Variants in RPTOR observed in about 807,000 individuals in gnomAD.
RPTOR encodes regulatory associated protein of MTOR complex 1, also known as regulatory-associated protein of mTOR.
Under a neutral mutation model 169.9 loss-of-function variants are expected in RPTOR, and 21 were observed. The ratio of observed to expected loss-of-function variants is 0.12; its 90% CI spans 0.09 to 0.18. The LOEUF is 0.18. Among genes scored for constraint, RPTOR ranks in the 10% least tolerant of loss-of-function variants. RPTOR has a pLI of 1.00. For missense variants in RPTOR, 1,133 were observed against 1,855.9 expected, an observed-to-expected ratio of 0.61 and a Z score of 7.16; for synonymous variants, 732 against 753.2, an observed-to-expected ratio of 0.97 and a Z score of 0.46.
intron 25 of RPTOR, among the ~76,000 whole-genome samples, chr17:80,941,660 A>G (rs1289789312): frequency 1.3e-5 from 2 of 152,150 alleles, no homozygotes; most frequent in Non-Finnish European, 2.9e-5. Context: ...TATTGTTTTG[A>G]CCTTGCATCT....
intron 20 of RPTOR, among the ~76,000 whole-genome samples, chr17:80,896,269 C>A (rs916882832): frequency 6.6e-6 from 1 of 152,014 alleles, no homozygotes; most frequent in Non-Finnish European, 1.5e-5. Context: ...TGCTTCTCAG[C>A]GTCTCCCTGG....
Position 80,908,932 on chromosome 17 carries a change from A to T in RPTOR, c.2520+3A>T. The T allele has an allele frequency of 2.5e-6, 4 of 1,607,374 alleles. No individual in the cohort carries two copies. The highest frequency in any genetic ancestry group is 3.4e-6 in the Non-Finnish European group (4 of 1,174,264). On this transcript the variant is annotated splice_donor_region_variant and intron_variant, in intron 21 of 33. Coordinates refer to ENST00000306801, the MANE Select transcript of RPTOR (RefSeq NM_020761.3). Reference sequence around the variant, plus strand: ...TACTCAACAGCATCGCCTACAAGGTACGTGCCGGGCGCTCCCCACCGCGCT... The same window carrying T: ...TACTCAACAGCATCGCCTACAAGGTTCGTGCCGGGCGCTCCCCACCGCGCT...
At chr17:80,955,582 T>C (rs2069237364) in intron 28 of RPTOR, among the ~76,000 whole-genome samples, 1 of 152,066 alleles carries the variant, frequency 6.6e-6, no homozygotes, top group African/African-American at 2.4e-5. Context: ...ACAAGAAAAA[T>C]GTCACGGTTG....
chr17:80,818,156 G>C (rs1345124806), intron 7 of RPTOR, among the ~76,000 whole-genome samples: 2 of 152,188 alleles, frequency 1.3e-5, no homozygotes, highest in African/African-American at 4.8e-5. Flanking sequence ...TTGCATCAGG[G>C]TCAGCTGTGT....
Position 80,754,203 on chromosome 17 carries a change from T to G in RPTOR, c.830+18T>G. On this transcript the variant is annotated intron_variant, in intron 6 of 33. Transcript: ENST00000306801. The surrounding 1 kb of genome is among the most constrained non-coding windows in gnomAD (Gnocchi z 4.2). Reference sequence around the variant, plus strand: ...CTGCGCTGGTGAGTGGCCCCTGCTGTGCCCCTGGGACCCACTCAACTGGGC... The same window carrying G: ...CTGCGCTGGTGAGTGGCCCCTGCTGGGCCCCTGGGACCCACTCAACTGGGC... The G allele has an allele frequency of 6.3e-7, 1 of 1,578,626 alleles. No homozygotes were observed. The highest frequency in any genetic ancestry group is 8.6e-7 in the Non-Finnish European group (1 of 1,158,364).
chr17:80,699,800 G>A (rs931750295), intron 3 of RPTOR, among the ~76,000 whole-genome samples: 11 of 134,896 alleles, frequency 8.2e-5, no homozygotes, highest in Admixed American at 2.2e-4. Flanking sequence ...TGCTGTGCAC[G>A]GTACCCTGGT....
intron 33 of RPTOR, 25 bp downstream of exon 33, chr17:80,963,082 C>CG: frequency 6.4e-5 from 2 of 31,018 alleles, no homozygotes; most frequent in Non-Finnish European, 1.1e-4. Flanking sequence ...GGGTGGGGGT[C>CG]GGGGGTCGGG....
intron 2 of RPTOR, among the ~76,000 whole-genome samples, chr17:80,636,345 G>A (rs958681891): frequency 4.2e-4 from 64 of 152,254 alleles, no homozygotes; most frequent in Non-Finnish European, 6.8e-4. Context: ...CTGCAACACT[G>A]TCTTAGTCTG....
At position 80,883,951 on chromosome 17, in the gene RPTOR, C is replaced by T. The variant is rs1016738954; in HGVS notation, c.1821C>T (p.Leu607=). 4 of 1,611,014 alleles carry T rather than the reference C, an allele frequency of 2.5e-6. No individual in the cohort carries two copies. The Admixed American group carries it at 6.7e-5, about 27-fold the overall frequency. The part of the protein sequence containing the change: ...RDSAHEKLYS[L]LSDPIPEVRC... ...GCGCTCATGAGAAGCTCTACAGCCT[C>T]CTCTCCGACCCCATTCCCGAGGTGA... Residue 607 remains leucine, a synonymous_variant, in exon 16 of 34, where the codon CTC becomes CTT. Transcript: ENST00000306801.
intron 27 of RPTOR, among the ~76,000 whole-genome samples, chr17:80,948,332 C>G (rs2144061096): frequency 6.6e-6 from 1 of 152,380 alleles, no homozygotes; most frequent in East Asian, 1.9e-4. Flanking sequence ...CGAGCGCTGC[C>G]CCCTCAGGAC....
At chr17:80,925,235 G>A in intron 23 of RPTOR, 135 bp from the exon 24 acceptor site, 1 of 682,620 alleles carries the variant, frequency 1.5e-6, no homozygotes, top group Admixed American at 2.5e-5. Context: ...GCAGAGCACA[G>A]AAGTGCCGTC....
chr17:80,655,312 C>T (rs1309216682), intron 3 of RPTOR, among the ~76,000 whole-genome samples: 1 of 152,236 alleles, frequency 6.6e-6, no homozygotes, highest in Non-Finnish European at 1.5e-5. Context: ...CCTCAAAGTC[C>T]TGACCTCAAG....
intron 6 of RPTOR, among the ~76,000 whole-genome samples, chr17:80,772,290 C>T (rs1480357622): frequency 6.6e-6 from 1 of 152,166 alleles, no homozygotes; most frequent in Non-Finnish European, 1.5e-5. Flanking sequence ...CATCCAAAAA[C>T]TCAATACTAG....
chr17:80,941,899 C>T (rs2069034339), intron 25 of RPTOR: 1 of 152,292 alleles, frequency 6.6e-6, no homozygotes. Context: ...TTCTGAAGCG[C>T]ATTCCCACGC....
chr17:80,941,626 G>A (rs1395336601), intron 25 of RPTOR, among the ~76,000 whole-genome samples: 1 of 152,256 alleles, frequency 6.6e-6, no homozygotes, highest in Non-Finnish European at 1.5e-5. Context: ...AAAAGTCAAG[G>A]ACTCTGACCC....
In RPTOR at chr17:80,819,495, T is replaced by C. The variant is rs138219214; in HGVS notation, c.891-2706T>C. Among the ~76,000 whole-genome samples the C allele has an allele frequency of 7.5e-4, 114 of 152,304 alleles. 1 individual carries two copies. Among genetic ancestry groups the C allele is most frequent in the African/African-American group, 2.6e-3 (107 of 41,562 alleles). On this transcript the variant is annotated intron_variant, in intron 7 of 33. Transcript: ENST00000306801. ...GGTTTGTTTAATCATTTCCCTCTCA[T>C]TGGTTTCGGAGCGAATTTTGGGCTT... is the stretch of plus-strand genomic sequence containing the variant.
At chr17:80,888,436 A>C (rs2143855824) in intron 17 of RPTOR, among the ~76,000 whole-genome samples, 1 of 152,318 alleles carries the variant, frequency 6.6e-6, no homozygotes, top group South Asian at 2.1e-4. Context: ...ACAGGAGCTG[A>C]GTTTTATGAT....
chr17:80,797,893 G>A (rs1317960043), intron 7 of RPTOR, among the ~76,000 whole-genome samples: 1 of 152,156 alleles, frequency 6.6e-6, no homozygotes. Flanking sequence ...GCTAGCCCAC[G>A]TGTCAGGGGA....
intron 3 of RPTOR, among the ~76,000 whole-genome samples, chr17:80,663,784 G>A (rs1036973534): frequency 2.0e-5 from 3 of 151,996 alleles, no homozygotes; most frequent in Non-Finnish European, 2.9e-5. Context: ...ACCCTGTCCT[G>A]ATTGGGCCTT....
Sources: allele counts gnomAD v4.1 joint callset (sites outside exome capture counted in the v4.1 genomes callset), GRCh38; gene constraint gnomAD v4.1.1; non-coding constraint Gnocchi (gnomAD v3.1); transcripts MANE v1.5; gene names NCBI Gene and HGNC (gene_info 2026-07-23, HGNC 2026-07-21).